KCNQ5: variants seen among roughly 807,000 people sequenced by gnomAD.
The protein encoded by KCNQ5 is potassium voltage-gated channel subfamily KQT member 5.
A neutral mutation model predicts 98.2 loss-of-function variants in KCNQ5; 30 were observed. That is an observed-to-expected ratio of 0.31 (90% CI 0.23 to 0.41). The LOEUF is 0.41. Ranked by LOEUF, KCNQ5 falls within the 10% of genes least tolerant of loss-of-function variation. The pLI is 1.00. For missense variants in KCNQ5, 835 were observed against 1,182.5 expected, an observed-to-expected ratio of 0.71 and a Z score of 4.31; for synonymous variants, 458 against 449.4, an observed-to-expected ratio of 1.02 and a Z score of -0.24.
chr6:72,775,592 T>A (rs974851071), intron 1 of KCNQ5, among the ~76,000 whole-genome samples: 1 of 143,954 alleles, frequency 6.9e-6, no homozygotes, highest in Admixed American at 7.1e-5. Flanking sequence ...AAAATAACTT[T>A]ACAGTGGAGA....
chr6:72,956,138 CT>C (rs1382779254), intron 1 of KCNQ5, among the ~76,000 whole-genome samples: 1 of 152,162 alleles, frequency 6.6e-6, no homozygotes, highest in East Asian at 1.9e-4. Context: ...TTTACATTTG[CT>C]TTTTGTGCTA....
chr6:72,929,353 G>C (rs573625960), intron 1 of KCNQ5, among the ~76,000 whole-genome samples: 1 of 152,014 alleles, frequency 6.6e-6, no homozygotes, highest in African/African-American at 2.4e-5. Flanking sequence ...ACAATGAACT[G>C]CCCACTCCCT....
Position 72,622,652 on chromosome 6 carries a change from T to C in KCNQ5, c.398+65T>C. ...CCACTGTCCCTGGCCCCCTGGGGCG[T>C]GCTCCGCGCTCGCGCCCTTGGGCCC... On this transcript the variant is annotated intron_variant, in intron 1 of 13. Transcript: ENST00000370398. This position sits in a 1 kb window ranked among gnomAD's most constrained non-coding sequence, Gnocchi z 6.0. The C allele has an allele frequency of 6.4e-7, 1 of 1,570,820 alleles. No homozygotes were observed.
At chr6:72,884,227 G>A (rs16883008) in intron 1 of KCNQ5, among the ~76,000 whole-genome samples, 4,679 of 152,164 alleles carry the variant, frequency 0.031, 249 homozygotes, top group African/African-American at 0.11. Flanking sequence ...ATATAACCCA[G>A]AGCCTACAAA....
At chr6:72,926,384 T>G (rs999461774) in intron 1 of KCNQ5, among the ~76,000 whole-genome samples, 2 of 152,202 alleles carry the variant, frequency 1.3e-5, no homozygotes, top group African/African-American at 4.8e-5. Flanking sequence ...GCTTCATTTC[T>G]TCCCATTTCC....
At chr6:72,898,337 G>A (rs891950005) in intron 1 of KCNQ5, among the ~76,000 whole-genome samples, 5 of 151,838 alleles carry the variant, frequency 3.3e-5, no homozygotes, top group Admixed American at 6.6e-5. Context: ...CCCCACCCCC[G>A]GCTATAGGCC....
Position 72,860,611 on chromosome 6 carries a change from T to C in KCNQ5, c.399-143297T>C, listed in dbSNP as rs577254033. 3.2e-4 allele frequency among the ~76,000 whole-genome samples: 48 copies of C among 152,318 alleles called. 1 individual carries two copies. In the South Asian group the frequency reaches 9.1e-3, roughly 29 times the overall value. On this transcript the variant is annotated intron_variant, in intron 1 of 13. Transcript: ENST00000370398. Reference sequence around the variant, plus strand: ...ATTATTTTTCTTCTTTTTTTAATTATCAAGGTCAGTGACTTTTAGAGAATC... The same window carrying C: ...ATTATTTTTCTTCTTTTTTTAATTACCAAGGTCAGTGACTTTTAGAGAATC...
At chr6:73,022,418 G>T (rs1458912507) in intron 2 of KCNQ5, among the ~76,000 whole-genome samples, 1 of 152,148 alleles carries the variant, frequency 6.6e-6, no homozygotes, top group African/African-American at 2.4e-5. Context: ...GAGGAAAGGG[G>T]AACACTTAAA....
At chr6:72,759,364 A>G (rs1177910882) in intron 1 of KCNQ5, among the ~76,000 whole-genome samples, 3 of 152,120 alleles carry the variant, frequency 2.0e-5, no homozygotes, top group African/African-American at 7.2e-5. Flanking sequence ...TTATAAGGGA[A>G]AAAAAATATT....
At chr6:72,935,417 A>C (rs1047022576) in intron 1 of KCNQ5, among the ~76,000 whole-genome samples, 3 of 152,064 alleles carry the variant, frequency 2.0e-5, no homozygotes, top group African/African-American at 7.2e-5. Context: ...AAACATTGGG[A>C]AAATCACATA....
chr6:73,119,428 C>T (rs183496641), intron 7 of KCNQ5, among the ~76,000 whole-genome samples: 2 of 152,264 alleles, frequency 1.3e-5, no homozygotes, highest in Admixed American at 1.3e-4. Context: ...CATAAAAATA[C>T]TTTGTCTTAT....
Position 72,771,087 on chromosome 6 carries a change from A to G in KCNQ5, c.398+148500A>G, listed in dbSNP as rs184132205. Among the ~76,000 whole-genome samples the G allele has an allele frequency of 1.9e-3, 291 of 152,254 alleles. 3 individuals carry two copies. The highest frequency in any genetic ancestry group is 0.013 in the Admixed American group (202 of 15,276). ...TGTTGCACATATAGTGAAGGAGCAG[A>G]TAAAGGAGTGGGCAGCCTTCTGGAG... On this transcript the variant is annotated intron_variant, in intron 1 of 13. Coordinates refer to ENST00000370398, the MANE Select transcript of KCNQ5 (RefSeq NM_019842.4).
At chr6:72,711,986 C>G (rs1032364230) in intron 1 of KCNQ5, among the ~76,000 whole-genome samples, 1 of 152,116 alleles carries the variant, frequency 6.6e-6, no homozygotes, top group African/African-American at 2.4e-5. Context: ...GAAATATAAA[C>G]TTGGAGGTCA....
chr6:72,883,147 T>A (rs997008858), intron 1 of KCNQ5, among the ~76,000 whole-genome samples: 1 of 152,222 alleles, frequency 6.6e-6, no homozygotes, highest in Non-Finnish European at 1.5e-5. Flanking sequence ...GTAATCATTG[T>A]CTGATGAGAG....
At chr6:72,934,381 A>T (rs1023537017) in intron 1 of KCNQ5, among the ~76,000 whole-genome samples, 1 of 152,084 alleles carries the variant, frequency 6.6e-6, no homozygotes, top group Middle Eastern at 3.2e-3. Context: ...GATAATGGTG[A>T]TGATGGTGGT....
At chr6:72,692,328 C>G (rs949568946) in intron 1 of KCNQ5, among the ~76,000 whole-genome samples, 4 of 152,128 alleles carry the variant, frequency 2.6e-5, no homozygotes, top group African/African-American at 9.7e-5. Flanking sequence ...CTGAGTAAGT[C>G]ACATTTAGCT....
At chr6:72,756,253 C>G (rs1461953625) in intron 1 of KCNQ5, among the ~76,000 whole-genome samples, 1 of 152,140 alleles carries the variant, frequency 6.6e-6, no homozygotes, top group Non-Finnish European at 1.5e-5. Context: ...CTGCCTTGAA[C>G]CTCAGCTCTC....
chr6:72,694,769 A>G (rs1768398739), intron 1 of KCNQ5, among the ~76,000 whole-genome samples: 1 of 152,160 alleles, frequency 6.6e-6, no homozygotes, highest in African/African-American at 2.4e-5. Context: ...ACTTTGTTAC[A>G]TGAGTATATT....
chr6:72,907,768 C>T lies in KCNQ5; in HGVS notation c.399-96140C>T, dbSNP rs148577719. Among the ~76,000 whole-genome samples, 64 of 152,016 alleles carry T rather than the reference C, an allele frequency of 4.2e-4. 1 individual carries two copies. Among genetic ancestry groups the T allele is most frequent in the Admixed American group, 2.8e-3 (42 of 15,270 alleles). On this transcript the variant is annotated intron_variant, in intron 1 of 13. Coordinates refer to ENST00000370398, the MANE Select transcript of KCNQ5 (RefSeq NM_019842.4). ...AGAAGAGATTCTGACCAATCTTCAT[C>T]GGCAAAATAGGTTAGCTGAGGTTTC...
Sources: gnomAD v4.1 joint callset for allele counts (sites outside exome capture counted in the v4.1 genomes callset) on GRCh38, gnomAD v4.1.1 for gene constraint, Gnocchi (gnomAD v3.1) non-coding constraint, MANE v1.5 for transcripts, NCBI Gene and HGNC (gene_info 2026-07-23, HGNC 2026-07-21) for gene names.